NEB: variants seen among roughly 807,000 people sequenced by gnomAD.
NEB encodes the protein nebulin, also known as nemaline myopathy type 2.
In NEB, 512 loss-of-function variants were observed where a neutral mutation model predicts 952.2. The observed-to-expected ratio is 0.54, with a 90% CI of 0.50 to 0.58. The LOEUF is 0.58. Among genes scored for constraint, NEB ranks in the 20% least tolerant of loss-of-function variants. NEB has a pLI of 0.00. For synonymous variants in NEB, 2,900 were observed against 3,149.8 expected (o/e 0.92, Z 2.66); for missense variants, 8,428 against 9,231.1 (o/e 0.91, Z 3.56).
At chr2:151,507,205 A>G (rs146506218) in intron 162 of NEB, 192 bp from the exon 163 acceptor site, 3 of 537,536 alleles carry the variant, frequency 5.6e-6, no homozygotes, top group African/African-American at 1.9e-5. Flanking sequence ...TAAAAAACAT[A>G]TAAAGCTAGG....
intron 34 of NEB, among the ~76,000 whole-genome samples, chr2:151,676,910 C>T (rs1207819884): frequency 6.6e-6 from 1 of 152,200 alleles, no homozygotes; most frequent in African/African-American, 2.4e-5. Context: ...GTGCCTGGCA[C>T]ATGGTAAATG....
Position 151,690,821 on chromosome 2 carries a change from G to T in NEB, c.2216C>A (p.Thr739Asn), listed in dbSNP as rs2099542868. ...IKKLDQCKDH[T>N]YKVHPDKTKF... ...GGTCTTATCTGGATGAACTTTGTAG[G>T]TATGCTAGAAAAGAAGATGTTCTTT... The change falls in exon 24 of 182, where the codon ACC becomes AAC. Residue 739 changes from threonine (T) to asparagine (N), a missense_variant. Thr to Asn is a moderately conservative substitution (Grantham distance 65, BLOSUM62 0). Around this residue, in one of 11 missense-constraint regions of NEB, gnomAD observed 2,851 missense variants for 2,791.5 expected, o/e 1.02. Coordinates refer to ENST00000397345, the MANE Select transcript of NEB (RefSeq NM_001164508.2). 1 of 1,571,228 alleles carries T rather than the reference G, an allele frequency of 6.4e-7. No individual in the cohort carries two copies. The highest frequency in any genetic ancestry group is 8.7e-7 in the Non-Finnish European group (1 of 1,153,862).
intron 12 of NEB, among the ~76,000 whole-genome samples, chr2:151,709,398 G>A (rs75895266): frequency 0.016 from 2,406 of 152,212 alleles, 32 homozygotes; most frequent in Non-Finnish European, 0.023. Flanking sequence ...TATTGAAGAT[G>A]GTAATTAGAT....
intron 23 of NEB, among the ~76,000 whole-genome samples, chr2:151,691,349 C>T (rs572625026): frequency 6.6e-6 from 1 of 152,314 alleles, no homozygotes; most frequent in Admixed American, 6.5e-5. Flanking sequence ...ACCTAAGACG[C>T]CCATCCAGTC....
At chr2:151,516,629 A>G (rs2077851662) in intron 156 of NEB, 66 bp from the exon 157 acceptor site, 1 of 1,055,598 alleles carries the variant, frequency 9.5e-7, no homozygotes, top group East Asian at 2.5e-5. Context: ...GTTTAAGGAT[A>G]GTATTTTTTA....
rs34504204 is a variant in NEB at position 151,565,084 on chromosome 2, T to C, written c.18431A>G (p.His6144Arg). The C allele has an allele frequency of 5.7e-4, 916 of 1,599,494 alleles. 1 individual carries two copies. Among genetic ancestry groups the C allele is most frequent in the Middle Eastern group, 1.2e-3 (7 of 6,028 alleles). Residue 6144 changes from histidine (H) to arginine (R), a missense_variant, in exon 117 of 182, where the codon CAT becomes CGT. Physicochemically the swap from His to Arg is conservative, Grantham distance 29. Around this residue, in one of 11 missense-constraint regions of NEB, gnomAD observed 3,374 missense variants for 3,651.5 expected, o/e 0.92. Coordinates refer to ENST00000397345, the MANE Select transcript of NEB (RefSeq NM_001164508.2). ...TCCCATGTCTTTGGAGTGGGAGATA[T>C]GTGGTGTATCTGGTGAAAACGTATA... ...GKYTFSPDTP[H>R]ISHSKDMGKL...
chr2:151,629,948 T>A (rs1261577364), intron 67 of NEB, among the ~76,000 whole-genome samples: 1 of 151,800 alleles, frequency 6.6e-6, no homozygotes, highest in Admixed American at 6.6e-5. Context: ...ATCAATACAA[T>A]CTAGTAATAC....
At chr2:151,512,229 T>C (rs2075050284) in intron 161 of NEB, among the ~76,000 whole-genome samples, 1 of 151,972 alleles carries the variant, frequency 6.6e-6, no homozygotes, top group Admixed American at 6.5e-5. Context: ...AGAGATAGAG[T>C]TTCACCGTGT....
At chr2:151,711,880 A>G (rs1430474957) in intron 10 of NEB, among the ~76,000 whole-genome samples, 2 of 152,216 alleles carry the variant, frequency 1.3e-5, no homozygotes, top group South Asian at 2.1e-4. Flanking sequence ...CGGGGAGGGA[A>G]CAACTCTTCA....
intron 9 of NEB, among the ~76,000 whole-genome samples, chr2:151,720,606 G>A (rs2099771549): frequency 6.6e-6 from 1 of 152,194 alleles, no homozygotes; most frequent in African/African-American, 2.4e-5. Flanking sequence ...CATAGCATTA[G>A]AATGGTATGA....
chr2:151,495,854 T>C (rs1241033675), intron 173 of NEB, among the ~76,000 whole-genome samples: 4 of 152,162 alleles, frequency 2.6e-5, no homozygotes, highest in African/African-American at 9.7e-5. Context: ...TTTGTCCAAA[T>C]CTGACAGGGT....
At position 151,610,586 on chromosome 2, in the gene NEB, T is replaced by G. The variant is rs1054429355; in HGVS notation, c.11948A>C (p.Lys3983Thr). The change falls in exon 80 of 182, where the codon AAG becomes ACG. Residue 3983 changes from lysine (K) to threonine (T), a missense_variant. Lys to Thr is a moderately conservative substitution (Grantham distance 78). Coordinates refer to ENST00000397345, the MANE Select transcript of NEB (RefSeq NM_001164508.2). ...AGCATCTGCTCTCAGATCATAGTCC[T>G]TCATCTTTGATTCATCCCATCCCTT... is the stretch of plus-strand genomic sequence containing the variant. ...YTKGWDESKM[K>T]DYDLRADAIS... The G allele has an allele frequency of 6.2e-7, 1 of 1,613,786 alleles. No individual in the cohort carries two copies. The highest frequency in any genetic ancestry group is 1.7e-4 in the Middle Eastern group (1 of 6,060).
intron 160 of NEB, 120 bp downstream of exon 160, chr2:151,513,460 T>A (rs983250680): frequency 1.4e-6 from 1 of 721,454 alleles, no homozygotes; most frequent in Admixed American, 2.7e-5. Context: ...AGGCAGATGT[T>A]CAAGAATGCC....
Position 151,490,665 on chromosome 2 carries a change from T to C in NEB, c.25151-147A>G. On this transcript the variant is annotated intron_variant, in intron 179 of 181. Coordinates refer to ENST00000397345, the MANE Select transcript of NEB (RefSeq NM_001164508.2). ...ATGGGTCAAACCCTCACAGTTATTC[T>C]GATGTAGGTTTGTCTTTCTTATTTT... 3 of 982,240 alleles carry C rather than the reference T, an allele frequency of 3.1e-6. No homozygotes were observed. The South Asian group carries it at 5.1e-5, about 17-fold the overall frequency. The allele number at this position is 982,240 out of a possible 1,614,324, so 60.8% of individuals were successfully genotyped here.
chr2:151,616,792 TA>T (rs1267463874), intron 75 of NEB, among the ~76,000 whole-genome samples: 1 of 152,104 alleles, frequency 6.6e-6, no homozygotes, highest in Admixed American at 6.6e-5. Context: ...ACAAGGACAA[TA>T]TTTTAAAATG....
At chr2:151,660,228 T>A in intron 46 of NEB, among the ~76,000 whole-genome samples, 1 of 152,192 alleles carries the variant, frequency 6.6e-6, no homozygotes, top group East Asian at 1.9e-4. Flanking sequence ...CATGCCAGCA[T>A]CACTGTTCAA....
chr2:151,719,567 C>A (rs2099768518), intron 9 of NEB, among the ~76,000 whole-genome samples: 1 of 152,146 alleles, frequency 6.6e-6, no homozygotes, highest in Non-Finnish European at 1.5e-5. Context: ...ACAAATTCCA[C>A]AAACAAGCCT....
intron 107 of NEB, among the ~76,000 whole-genome samples, chr2:151,574,285 TTGAG>T (rs199770830): frequency 0.013 from 1,997 of 152,314 alleles, 22 homozygotes; most frequent in Non-Finnish European, 0.019. Context: ...GTTCTTACTC[TTGAG>T]TAATTATATT....
chr2:151,548,500 C>T lies in NEB; in HGVS notation c.20050-85G>A, dbSNP rs2094976192. On this transcript the variant is annotated intron_variant, in intron 130 of 181. Transcript: ENST00000397345. ...TCTCCAAATAGAAAAGAGATGTCAC[C>T]TTTATTTGAAAAATTGCTCTTTTTA... 5 of 961,232 alleles carry T rather than the reference C, an allele frequency of 5.2e-6. No individual in the cohort carries two copies. The East Asian group carries it at 1.2e-4, about 24-fold the overall frequency. 59.5% of individuals were successfully genotyped at this position (961,232 alleles called of 1,614,324 possible). A position where few individuals can be genotyped will look rare whatever the true frequency, so the allele number is the denominator to read the frequency against.
Sources: gnomAD v4.1 joint callset for allele counts (sites outside exome capture counted in the v4.1 genomes callset) on GRCh38, gnomAD v4.1.1 for gene constraint, gnomAD v4.1.1 regional missense constraint, MANE v1.5 for transcripts, NCBI Gene and HGNC (gene_info 2026-07-23, HGNC 2026-07-21) for gene names.